The following LDLRAD2 variants were observed in gnomAD, a reference collection of about 807,000 sequenced individuals.
LDLRAD2 encodes low density lipoprotein receptor class A domain containing 2, also known as low-density lipoprotein receptor class A domain-containing protein 2.
A neutral mutation model predicts 24.9 loss-of-function variants in LDLRAD2; 25 were observed. The ratio of observed to expected loss-of-function variants is 1.00; its 90% CI spans 0.73 to 1.40. The LOEUF is 1.40. Ranked by LOEUF, LDLRAD2 falls within the 40% of genes most tolerant of loss-of-function variation. The pLI, the probability that LDLRAD2 is intolerant of heterozygous loss-of-function variation, is 0.00. For synonymous variants in LDLRAD2, 182 were observed against 166.7 expected (o/e 1.09, Z -0.71); for missense variants, 391 against 366.2 (o/e 1.07, Z -0.55).
At chr1:21,813,252 G>A (rs1335758875) in intron 1 of LDLRAD2, among the ~76,000 whole-genome samples, 3 of 152,020 alleles carry the variant, frequency 2.0e-5, no homozygotes, top group Admixed American at 6.5e-5. Flanking sequence ...CCGAGATTGC[G>A]CCACTGCACT....
In LDLRAD2 at chr1:21,823,459, C is replaced by T. The variant is rs148788926; in HGVS notation, c.*1244C>T. ...GTGATGCCTGAGGAGAATCTGCCCC[C>T]GGTCAGCGTGGCCACGTCAGGGGCT... On this transcript the variant is annotated 3_prime_UTR_variant, in exon 5 of 5. Coordinates refer to ENST00000344642, the MANE Select transcript of LDLRAD2 (RefSeq NM_001013693.3). 3.6e-4 allele frequency: 576 copies of T among 1,595,776 alleles called. 1 individual carries two copies. The highest frequency in any genetic ancestry group is 3.8e-4 in the Non-Finnish European group (446 of 1,175,564).
rs368600574 is a variant in LDLRAD2, at chr1:21,814,719, C to A, written c.407C>A (p.Pro136Gln). 4.5e-6 allele frequency: 7 copies of A among 1,557,132 alleles called. No individual in the cohort carries two copies. The highest frequency in any genetic ancestry group is 8.7e-7 in the Non-Finnish European group (1 of 1,152,664). ...TCCCCACTGTGCGGCCTGAACATCC[C>A]GGTGCCTGTGGCATCCTCCGGACCC... ...LGSPLCGLNI[P>Q]VPVASSGPFL... The change falls in exon 2 of 5, where the codon CCG becomes CAG. Residue 136 changes from proline (P) to glutamine (Q), a missense_variant. Coordinates refer to ENST00000344642, the MANE Select transcript of LDLRAD2 (RefSeq NM_001013693.3).
chr1:21,817,729 A>G (rs2097945368), intron 3 of LDLRAD2, among the ~76,000 whole-genome samples: 1 of 152,204 alleles, frequency 6.6e-6, no homozygotes, highest in Non-Finnish European at 1.5e-5. Context: ...ATTTTACATT[A>G]GTATGAGACA....
intron 4 of LDLRAD2, 83 bp downstream of exon 4, chr1:21,821,694 G>C (rs777221157): frequency 6.4e-7 from 1 of 1,566,342 alleles, no homozygotes; most frequent in South Asian, 1.2e-5. Context: ...GACCCAGGCC[G>C]AGGCCTGAGT....
In LDLRAD2 at chr1:21,823,947, C is replaced by T. The variant is rs547577833; in HGVS notation, c.*1732C>T. The T allele has an allele frequency of 7.6e-5, 59 of 772,434 alleles. No homozygotes were observed. Among genetic ancestry groups the T allele is most frequent in the African/African-American group, 7.2e-4 (42 of 58,442 alleles). The allele number at this position is 772,434 out of a possible 1,614,324, so 47.8% of individuals were successfully genotyped here. On this transcript the variant is annotated 3_prime_UTR_variant, in exon 5 of 5. Coordinates refer to ENST00000344642, the MANE Select transcript of LDLRAD2 (RefSeq NM_001013693.3). ...TCCTGGGGCACTCGCCTGCCCCCAG[C>T]GGAGTTCAGTCCGAGATGGAAGCCC...
At position 21,812,438 on chromosome 1, in the gene LDLRAD2, A is replaced by G. The variant is rs1203294396; in HGVS notation, c.-14A>G. 6.2e-7 allele frequency: 1 copy of G among 1,611,988 alleles called. No individual in the cohort carries two copies. Among genetic ancestry groups the G allele is most frequent in the South Asian group, 1.1e-5 (1 of 90,980 alleles). On this transcript the variant is annotated 5_prime_UTR_variant, in exon 1 of 5. Transcript: ENST00000344642. ...CTGTGGGTCTGCCCCATTGCTGGGC[A>G]CAGCAGAGCCTGGATGGAGGCTTGT...
At chr1:21,821,210 T>G (rs982914470) in intron 3 of LDLRAD2, among the ~76,000 whole-genome samples, 17 of 152,158 alleles carry the variant, frequency 1.1e-4, no homozygotes, top group African/African-American at 3.6e-4. Context: ...GCTCAGTACA[T>G]GTACACCCTC....
At position 21,824,863 on chromosome 1, in the gene LDLRAD2, G is replaced by T. The variant is rs545573315; in HGVS notation, c.*2648G>T. ...CAGTTCCCCTGACCCCCACCTCCAC[G>T]CCAACATGCAGGACTAGGGGGCTCC... On this transcript the variant is annotated 3_prime_UTR_variant, in exon 5 of 5. Coordinates refer to ENST00000344642, the MANE Select transcript of LDLRAD2 (RefSeq NM_001013693.3). This position sits in a 1 kb window ranked among gnomAD's most constrained non-coding sequence, Gnocchi z 5.9. The T allele has an allele frequency of 3.5e-5, 44 of 1,266,326 alleles. No homozygotes were observed. The highest frequency in any genetic ancestry group is 4.6e-5 in the Non-Finnish European group (41 of 887,990). 78.4% of individuals were successfully genotyped at this position (1,266,326 alleles called of 1,614,324 possible). A position where few individuals can be genotyped will look rare whatever the true frequency, so the allele number is the denominator to read the frequency against.
At chr1:21,812,678 T>A in intron 1 of LDLRAD2, 142 bp downstream of exon 1, 3 of 676,906 alleles carry the variant, frequency 4.4e-6, no homozygotes, top group Non-Finnish European at 7.5e-6. Flanking sequence ...GTGTCTGGTC[T>A]TGCTTGGCAT....
Position 21,822,243 on chromosome 1 carries a change from C to A in LDLRAD2, c.*28C>A. ...CCCTCATCAAAGACTCAGGAGGCCCCTGGCGGGGATAGCACCGTTTATTAA... is the reference window on the plus strand; with the variant it reads ...CCCTCATCAAAGACTCAGGAGGCCCATGGCGGGGATAGCACCGTTTATTAA... On this transcript the variant is annotated 3_prime_UTR_variant, in exon 5 of 5. Transcript: ENST00000344642. 5 of 1,606,922 alleles carry A rather than the reference C, an allele frequency of 3.1e-6. No homozygotes were observed. The highest frequency in any genetic ancestry group is 4.3e-6 in the Non-Finnish European group (5 of 1,173,508).
In LDLRAD2 at chr1:21,814,697, C is replaced by T; in HGVS notation, c.385C>T (p.Pro129Ser). 1 of 1,570,004 alleles carries T rather than the reference C, an allele frequency of 6.4e-7. No homozygotes were observed. The highest frequency in any genetic ancestry group is 8.6e-7 in the Non-Finnish European group (1 of 1,158,786). ...PPGAPRPLGS[P>S]LCGLNIPVPV... is the part of the protein sequence containing the mutation. ...GGGGGCGCCCCGGCCCCTGGGGTCC[C>T]CACTGTGCGGCCTGAACATCCCGGT... Residue 129 changes from proline (P) to serine (S), a missense_variant, in exon 2 of 5, where the codon CCA becomes TCA. Pro to Ser is a moderately conservative substitution (Grantham distance 74). Transcript: ENST00000344642.
intron 3 of LDLRAD2, among the ~76,000 whole-genome samples, chr1:21,818,017 C>T (rs1199795466): frequency 6.6e-6 from 1 of 152,030 alleles, no homozygotes; most frequent in Non-Finnish European, 1.5e-5. Flanking sequence ...GCTGGGATTA[C>T]AGGTGCACAC....
In LDLRAD2 at chr1:21,812,410, A is replaced by G; in HGVS notation, c.-42A>G. The G allele has an allele frequency of 6.5e-7, 1 of 1,538,242 alleles. No individual in the cohort carries two copies. The highest frequency in any genetic ancestry group is 9.0e-7 in the Non-Finnish European group (1 of 1,111,734). On this transcript the variant is annotated 5_prime_UTR_variant, in exon 1 of 5. Coordinates refer to ENST00000344642, the MANE Select transcript of LDLRAD2 (RefSeq NM_001013693.3). ...TCTCCCCAGAGACCCCAAGCTGAAGATTCTGTGGGTCTGCCCCATTGCTGG... is the reference window on the plus strand; with the variant it reads ...TCTCCCCAGAGACCCCAAGCTGAAGGTTCTGTGGGTCTGCCCCATTGCTGG...
Position 21,816,010 on chromosome 1 carries a change from CT to C in LDLRAD2, c.580del (p.Trp194GlyfsTer41). 1 of 1,613,932 alleles carries C rather than the reference CT, an allele frequency of 6.2e-7. No homozygotes were observed. The highest frequency in any genetic ancestry group is 1.1e-5 in the South Asian group (1 of 91,090). ...TCCCCTCAAGCCTCGTGTGTGACCCCTGGGGCATGGACAACTGTGGCGATGG... is the reference window on the plus strand; with the variant it reads ...TCCCCTCAAGCCTCGTGTGTGACCCCGGGGCATGGACAACTGTGGCGATGG... ...CIPSSLVCDP[W>X]GMDNCGDGSD... On this transcript the variant is annotated frameshift_variant, in exon 3 of 5. Coordinates refer to ENST00000344642, the MANE Select transcript of LDLRAD2 (RefSeq NM_001013693.3). LOFTEE classifies it high-confidence loss of function.
Position 21,824,126 on chromosome 1 carries a change from T to G in LDLRAD2, c.*1911T>G. 1 of 1,613,038 alleles carries G rather than the reference T, an allele frequency of 6.2e-7. No homozygotes were observed. The highest frequency in any genetic ancestry group is 8.5e-7 in the Non-Finnish European group (1 of 1,179,934). On this transcript the variant is annotated 3_prime_UTR_variant, in exon 5 of 5. Coordinates refer to ENST00000344642, the MANE Select transcript of LDLRAD2 (RefSeq NM_001013693.3). The surrounding 1 kb of genome is among the most constrained non-coding windows in gnomAD (Gnocchi z 5.9). ...TGCCCGGCAGGGTCCCTTACCGCAG[T>G]GCTGTCACCCGGTGCCACTCGCCGT...
At position 21,814,329 on chromosome 1, in the gene LDLRAD2, G is replaced by T. The variant is rs2097941484; in HGVS notation, c.86-69G>T. On this transcript the variant is annotated intron_variant, in intron 1 of 4. Coordinates refer to ENST00000344642, the MANE Select transcript of LDLRAD2 (RefSeq NM_001013693.3). ...CGAGTAACTCGCTTGGGATCACACA[G>T]CGGGCAGGGGACAGAGTAGAGTTCG... 6 of 1,338,376 alleles carry T rather than the reference G, an allele frequency of 4.5e-6. No individual in the cohort carries two copies. In the East Asian group the frequency reaches 1.5e-4, roughly 35 times the overall value. 82.9% of individuals were successfully genotyped at this position (1,338,376 alleles called of 1,614,324 possible).
At chr1:21,820,696 T>G (rs1572114761) in intron 3 of LDLRAD2, among the ~76,000 whole-genome samples, 1 of 152,216 alleles carries the variant, frequency 6.6e-6, no homozygotes, top group Non-Finnish European at 1.5e-5. Context: ...CATGTGCTCA[T>G]GGTTGTATCC....
In LDLRAD2 at chr1:21,821,496, C is replaced by T. The variant is rs763291445; in HGVS notation, c.690C>T (p.Thr230=). Residue 230 remains threonine, a synonymous_variant, in exon 4 of 5, where the codon ACC becomes ACT. Transcript: ENST00000344642. ...AGACAGGAAGTACAGATGCCCATACCTCCAGATCCCTGACTCCCTCCCCAG... is the reference window on the plus strand; with the variant it reads ...AGACAGGAAGTACAGATGCCCATACTTCCAGATCCCTGACTCCCTCCCCAG... The part of the protein sequence containing the change: ...PSQTGSTDAH[T]SRSLTPSPAL... The T allele has an allele frequency of 2.5e-6, 4 of 1,614,126 alleles. No individual in the cohort carries two copies. Among genetic ancestry groups the T allele is most frequent in the South Asian group, 2.2e-5 (2 of 91,084 alleles).
In LDLRAD2 at chr1:21,822,296, G is replaced by T. The variant is rs2097953712; in HGVS notation, c.*81G>T. ...AAAATCAAGACAAAGACCACAGGAG[G>T]GTCCCTTCTAGGACACAGAGGCCAG... On this transcript the variant is annotated 3_prime_UTR_variant, in exon 5 of 5. Coordinates refer to ENST00000344642, the MANE Select transcript of LDLRAD2 (RefSeq NM_001013693.3). 2.0e-6 allele frequency: 3 copies of T among 1,467,174 alleles called. No individual in the cohort carries two copies. The highest frequency in any genetic ancestry group is 1.1e-5 in the South Asian group (1 of 87,780). 90.9% of individuals were successfully genotyped at this position (1,467,174 alleles called of 1,614,324 possible). A position where few individuals can be genotyped will look rare whatever the true frequency, so the allele number is the denominator to read the frequency against.
Sources: gnomAD v4.1 joint callset for allele counts (sites outside exome capture counted in the v4.1 genomes callset) on GRCh38, gnomAD v4.1.1 for gene constraint, Gnocchi (gnomAD v3.1) non-coding constraint, MANE v1.5 for transcripts, NCBI Gene and HGNC (gene_info 2026-07-23, HGNC 2026-07-21) for gene names.